The following LDB2 variants were observed in gnomAD, a reference collection of about 807,000 sequenced individuals.
The protein encoded by LDB2 is LIM domain binding 2, also known as LIM domain-binding protein 2.
Under a neutral mutation model 44.3 loss-of-function variants are expected in LDB2, and 12 were observed. The observed-to-expected ratio is 0.27, with a 90% CI of 0.17 to 0.44. LDB2 has a LOEUF of 0.44. Ranked by LOEUF, LDB2 falls within the 20% of genes least tolerant of loss-of-function variation. LDB2 has a pLI of 1.00. For synonymous variants in LDB2, 164 were observed against 174.8 expected (o/e 0.94, Z 0.49); for missense variants, 344 against 473.5 (o/e 0.73, Z 2.54).
intron 1 of LDB2, among the ~76,000 whole-genome samples, chr4:16,822,223 GTAGA>G (rs1405406308): frequency 7.2e-5 from 11 of 152,094 alleles, no homozygotes; most frequent in Admixed American, 2.0e-4. Context: ...TATTTTTACA[GTAGA>G]TATTCTTTTA....
At chr4:16,758,085 T>A (rs903581309) in intron 2 of LDB2, among the ~76,000 whole-genome samples, 1 of 152,198 alleles carries the variant, frequency 6.6e-6, no homozygotes, top group Non-Finnish European at 1.5e-5. Flanking sequence ...ACCATGTGCA[T>A]ATATTAGCAT....
chr4:16,668,897 T>C (rs6811339), intron 2 of LDB2, among the ~76,000 whole-genome samples: 149,568 of 152,186 alleles, frequency 0.98, 73,548 homozygotes, highest in Middle Eastern at 1. Flanking sequence ...TCTGGCTCCC[T>C]ATTTGGAGTG....
At chr4:16,546,640 C>G (rs1483666466) in intron 5 of LDB2, among the ~76,000 whole-genome samples, 2 of 152,166 alleles carry the variant, frequency 1.3e-5, no homozygotes, top group East Asian at 3.9e-4. Flanking sequence ...CCACCCCCTT[C>G]CCATCCACAC....
chr4:16,871,015 C>T (rs1387096272), intron 1 of LDB2, among the ~76,000 whole-genome samples: 1 of 152,166 alleles, frequency 6.6e-6, no homozygotes, highest in African/African-American at 2.4e-5. Context: ...GAGTGAGACC[C>T]ATATGTTGCA....
chr4:16,700,223 G>A (rs1753142976), intron 2 of LDB2, among the ~76,000 whole-genome samples: 1 of 152,230 alleles, frequency 6.6e-6, no homozygotes, highest in East Asian at 1.9e-4. Context: ...AATTAGTAGT[G>A]TAAATATGTT....
intron 5 of LDB2, among the ~76,000 whole-genome samples, chr4:16,523,472 G>C (rs1009997794): frequency 6.6e-6 from 1 of 152,148 alleles, no homozygotes; most frequent in Admixed American, 6.5e-5. Flanking sequence ...TGAATGGCCA[G>C]CATCACTACT....
intron 1 of LDB2, among the ~76,000 whole-genome samples, chr4:16,778,936 C>T (rs948525952): frequency 9.2e-5 from 14 of 152,298 alleles, no homozygotes; most frequent in African/African-American, 3.1e-4. Context: ...TAATATTAGA[C>T]CAAGAACATC....
At chr4:16,662,862 C>T (rs903095458) in intron 2 of LDB2, among the ~76,000 whole-genome samples, 1 of 151,786 alleles carries the variant, frequency 6.6e-6, no homozygotes, top group Non-Finnish European at 1.5e-5. Context: ...GTCTCGGGGG[C>T]TTCTTCATTG....
chr4:16,793,401 T>C (rs1442302634), intron 1 of LDB2, among the ~76,000 whole-genome samples: 1 of 152,160 alleles, frequency 6.6e-6, no homozygotes, highest in Admixed American at 6.6e-5. Context: ...ATTTTGTGCT[T>C]AATTATACTT....
chr4:16,542,822 T>C (rs891857349), intron 5 of LDB2, among the ~76,000 whole-genome samples: 1 of 152,074 alleles, frequency 6.6e-6, no homozygotes, highest in African/African-American at 2.4e-5. Context: ...TAGCGTACAA[T>C]GTGCAGGTTT....
At chr4:16,786,798 C>T (rs1308277407) in intron 1 of LDB2, among the ~76,000 whole-genome samples, 8 of 152,196 alleles carry the variant, frequency 5.3e-5, no homozygotes, top group Non-Finnish European at 8.8e-5. Context: ...GGGAAAAATA[C>T]ATATGCCTTG....
At chr4:16,517,325 C>G (rs2152261423) in intron 5 of LDB2, among the ~76,000 whole-genome samples, 1 of 144,254 alleles carries the variant, frequency 6.9e-6, no homozygotes, top group East Asian at 2.1e-4. Flanking sequence ...ATGCCTTTTC[C>G]TCATTACCCC....
In LDB2 at chr4:16,551,093, A is replaced by G. The variant is rs148418531; in HGVS notation, c.615+34829T>C. The stretch of plus-strand genomic sequence containing the variant: ...ATATTATTTCTGAATGTATACATGC[A>G]TAATTATGCATCAAATGATGCAAGT... On this transcript the variant is annotated intron_variant, in intron 5 of 7. Coordinates refer to ENST00000304523, the MANE Select transcript of LDB2 (RefSeq NM_001290.5). Among the ~76,000 whole-genome samples, 249 of 152,344 alleles carry G rather than the reference A, an allele frequency of 1.6e-3. 1 individual carries two copies. The highest frequency in any genetic ancestry group is 5.6e-3 in the African/African-American group (231 of 41,578).
At chr4:16,760,473 C>T (rs1301900184) in intron 1 of LDB2, among the ~76,000 whole-genome samples, 2 of 152,114 alleles carry the variant, frequency 1.3e-5, no homozygotes, top group African/African-American at 2.4e-5. Context: ...GGCTTCCTTC[C>T]AATCACCATA....
chr4:16,594,874 T>C (rs1720348826), intron 3 of LDB2, among the ~76,000 whole-genome samples: 1 of 152,224 alleles, frequency 6.6e-6, no homozygotes, highest in African/African-American at 2.4e-5. Context: ...AGTAAACTAG[T>C]GTTCATTAAA....
intron 2 of LDB2, among the ~76,000 whole-genome samples, chr4:16,724,547 A>T (rs1759019023): frequency 6.6e-6 from 1 of 152,024 alleles, no homozygotes; most frequent in Non-Finnish European, 1.5e-5. Flanking sequence ...CTCTAGCCCC[A>T]GTTCAAGTTA....
chr4:16,610,183 GC>G (rs971532391), intron 2 of LDB2, among the ~76,000 whole-genome samples: 5 of 151,768 alleles, frequency 3.3e-5, no homozygotes, highest in Non-Finnish European at 7.4e-5. Flanking sequence ...CAACAAAAAG[GC>G]CCCCACAGAA....
chr4:16,663,841 C>A (rs1188227871), intron 2 of LDB2, among the ~76,000 whole-genome samples: 1 of 152,152 alleles, frequency 6.6e-6, no homozygotes, highest in African/African-American at 2.4e-5. Context: ...GGAATAAATT[C>A]TCAGGCAATT....
chr4:16,593,703 G>T (rs1450327441), intron 3 of LDB2, among the ~76,000 whole-genome samples: 1 of 152,146 alleles, frequency 6.6e-6, no homozygotes, highest in Non-Finnish European at 1.5e-5. Flanking sequence ...GCTGCTTGGG[G>T]CAAGGGAGCT....
Sources: allele counts gnomAD v4.1 joint callset (sites outside exome capture counted in the v4.1 genomes callset), GRCh38; gene constraint gnomAD v4.1.1; transcripts MANE v1.5; gene names NCBI Gene and HGNC (gene_info 2026-07-23, HGNC 2026-07-21).